Variants in PTPN5 observed in about 807,000 individuals in gnomAD.
The protein encoded by PTPN5 is protein tyrosine phosphatase non-receptor type 5, also known as tyrosine-protein phosphatase non-receptor type 5.
Under a neutral mutation model 73.9 loss-of-function variants are expected in PTPN5, and 29 were observed. That is an observed-to-expected ratio of 0.39 (90% CI 0.29 to 0.54). PTPN5 has a LOEUF of 0.54. PTPN5 is among the 20% of genes least tolerant of loss of function. The pLI, the probability that PTPN5 is intolerant of heterozygous loss-of-function variation, is 0.65. For synonymous variants in PTPN5, 267 were observed against 304.7 expected (o/e 0.88, Z 1.29); for missense variants, 652 against 751.4 (o/e 0.87, Z 1.55).
intron 1 of PTPN5, among the ~76,000 whole-genome samples, chr11:18,777,726 A>G (rs115253588): frequency 0.014 from 2,187 of 152,296 alleles, 46 homozygotes; most frequent in African/African-American, 0.05. Flanking sequence ...CAAGAGGATC[A>G]CTTGGGGCCA....
chr11:18,772,621 C>T (rs1019691995), intron 1 of PTPN5, among the ~76,000 whole-genome samples: 28 of 152,148 alleles, frequency 1.8e-4, no homozygotes, highest in African/African-American at 6.8e-4. Flanking sequence ...TGGCAGGGAC[C>T]CCAGGGAAGG....
At chr11:18,758,182 ATCAAG>A (rs1850237189) in intron 3 of PTPN5, among the ~76,000 whole-genome samples, 2 of 152,244 alleles carry the variant, frequency 1.3e-5, no homozygotes, top group Non-Finnish European at 2.9e-5. Flanking sequence ...CACTCCTCCT[ATCAAG>A]AGGTGGCATT....
At position 18,742,314 on chromosome 11, in the gene PTPN5, G is replaced by T; in HGVS notation, c.673C>A (p.Pro225Thr). ...PVFDCVMDIK[P>T]EADPTSLTVK... ...GTGAGTGAGGTGGGGTCAGCCTCAG[G>T]CTTGATGTCCATCACACAATCAAAC... The change falls in exon 7 of 15, where the codon CCT (proline) becomes ACT (threonine). Residue 225 changes from proline to threonine, a missense_variant. By Grantham distance (38) the Pro-to-Thr change is conservative. Coordinates refer to ENST00000358540, the MANE Select transcript of PTPN5 (RefSeq NM_006906.2). This position sits in a 1 kb window ranked among gnomAD's most constrained non-coding sequence, Gnocchi z 4.1. The T allele has an allele frequency of 6.2e-7, 1 of 1,614,126 alleles. No homozygotes were observed. The highest frequency in any genetic ancestry group is 8.5e-7 in the Non-Finnish European group (1 of 1,180,024).
At chr11:18,746,876 G>T (rs931649614) in intron 3 of PTPN5, among the ~76,000 whole-genome samples, 3 of 152,192 alleles carry the variant, frequency 2.0e-5, no homozygotes, top group Non-Finnish European at 4.4e-5. Flanking sequence ...GATTTCTCAA[G>T]GGGCAAGGTC....
chr11:18,729,672 G>C lies in PTPN5; in HGVS notation c.1476C>G (p.Ile492Met). The C allele has an allele frequency of 6.4e-7, 1 of 1,574,696 alleles. No individual in the cohort carries two copies. Among genetic ancestry groups the C allele is most frequent in the Non-Finnish European group, 8.6e-7 (1 of 1,160,202 alleles). The stretch of plus-strand genomic sequence containing the variant: ...GGAGGACCCACCTGCAGTGGACGAT[G>C]ATGGGGGCACAGTGGGGCCCCTCCT... ...AQQEGPHCAP[I>M]IVHCSAGIGR... is the part of the protein sequence containing the mutation. Residue 492 changes from isoleucine (I) to methionine (M), a missense_variant, in exon 13 of 15, where the codon ATC becomes ATG. Ile to Met is a conservative substitution (Grantham distance 10). This residue lies in a region of PTPN5 where 102 missense variants were observed against 160.5 expected (regional missense o/e 0.64). Transcript: ENST00000358540. This position sits in a 1 kb window ranked among gnomAD's most constrained non-coding sequence, Gnocchi z 5.2.
At chr11:18,732,456 A>T in intron 12 of PTPN5, 136 bp downstream of exon 12, 2 of 692,154 alleles carry the variant, frequency 2.9e-6, no homozygotes, top group Non-Finnish European at 5.1e-6. Context: ...ACTCATCCGT[A>T]ATTATCAGAA....
At chr11:18,772,609 C>A (rs370423840) in intron 1 of PTPN5, among the ~76,000 whole-genome samples, 2 of 152,160 alleles carry the variant, frequency 1.3e-5, no homozygotes, top group Middle Eastern at 3.2e-3. Context: ...TGGGTGCGGG[C>A]ATGGCAGGGA....
intron 4 of PTPN5, 76 bp from the exon 5 acceptor site, chr11:18,743,505 G>T: frequency 1.5e-6 from 2 of 1,323,006 alleles, no homozygotes; most frequent in Non-Finnish European, 2.2e-6. Flanking sequence ...CTCACCTGCA[G>T]CCTCAACCTG....
chr11:18,785,318 A>G (rs185317851), intron 1 of PTPN5, among the ~76,000 whole-genome samples: 8 of 152,318 alleles, frequency 5.3e-5, no homozygotes, highest in African/African-American at 1.9e-4. Context: ...ATTATTGACT[A>G]TGTGCAACAA....
intron 9 of PTPN5, among the ~76,000 whole-genome samples, chr11:18,735,469 G>A (rs1849072262): frequency 6.6e-6 from 1 of 152,096 alleles, no homozygotes; most frequent in South Asian, 2.1e-4. Context: ...AGTGGTGAGT[G>A]GTGAGGCTGG....
intron 1 of PTPN5, among the ~76,000 whole-genome samples, chr11:18,789,743 A>T (rs1851826863): frequency 6.6e-6 from 1 of 152,192 alleles, no homozygotes; most frequent in Non-Finnish European, 1.5e-5. Context: ...GAGCTAAGCT[A>T]TGAGGATGCA....
At chr11:18,735,591 G>A (rs1206682554) in intron 9 of PTPN5, among the ~76,000 whole-genome samples, 9 of 151,926 alleles carry the variant, frequency 5.9e-5, no homozygotes, top group Admixed American at 2.6e-4. Flanking sequence ...TGAGGTGGGC[G>A]GATCACTTGA....
chr11:18,778,681 G>A (rs757622264), intron 1 of PTPN5, among the ~76,000 whole-genome samples: 5 of 152,146 alleles, frequency 3.3e-5, no homozygotes, highest in Non-Finnish European at 7.4e-5. Context: ...GCTTCCTGAG[G>A]CCTTCCTAGA....
At chr11:18,773,876 C>T (rs1277671501) in intron 1 of PTPN5, among the ~76,000 whole-genome samples, 1 of 152,170 alleles carries the variant, frequency 6.6e-6, no homozygotes, top group Non-Finnish European at 1.5e-5. Context: ...GCCACCTGCT[C>T]CAGTCACTCT....
chr11:18,766,172 AC>A (rs1163460486), intron 2 of PTPN5, among the ~76,000 whole-genome samples: 3 of 152,312 alleles, frequency 2.0e-5, no homozygotes, highest in Admixed American at 2.0e-4. Context: ...GATTTACTAT[AC>A]GCAAGCACTT....
At chr11:18,747,200 G>A (rs1849682719) in intron 3 of PTPN5, among the ~76,000 whole-genome samples, 1 of 151,938 alleles carries the variant, frequency 6.6e-6, no homozygotes, top group Non-Finnish European at 1.5e-5. Flanking sequence ...ACCCAGGCTG[G>A]AGTGCAGTGG....
Position 18,732,711 on chromosome 11 carries a change from G to T in PTPN5, c.1219-9C>A. 6.2e-7 allele frequency: 1 copy of T among 1,608,872 alleles called. No homozygotes were observed. The highest frequency in any genetic ancestry group is 1.3e-5 in the African/African-American group (1 of 74,948). On this transcript the variant is annotated splice_polypyrimidine_tract_variant and intron_variant, in intron 11 of 14. Transcript: ENST00000358540. ...CAATACTCGGTGCATTTCTGCAGGGGCCCAGATCAGGCTGCCATACAATCC... is the reference window on the plus strand; with the variant it reads ...CAATACTCGGTGCATTTCTGCAGGGTCCCAGATCAGGCTGCCATACAATCC...
chr11:18,788,006 A>G (rs1013827771), intron 1 of PTPN5, among the ~76,000 whole-genome samples: 4 of 152,042 alleles, frequency 2.6e-5, no homozygotes, highest in Non-Finnish European at 4.4e-5. Flanking sequence ...CCCTACTCCT[A>G]AGCCTCCCAC....
At position 18,742,892 on chromosome 11, in the gene PTPN5, C is replaced by G. The variant is rs1410325694; in HGVS notation, c.483+100G>C. 2.4e-6 allele frequency: 2 copies of G among 839,878 alleles called. No individual in the cohort carries two copies. Among genetic ancestry groups the G allele is most frequent in the East Asian group, 2.7e-5 (1 of 37,732 alleles). The allele number at this position is 839,878 out of a possible 1,614,324, so 52.0% of individuals were successfully genotyped here. A position where few individuals can be genotyped will look rare whatever the true frequency, so the allele number is the denominator to read the frequency against. The stretch of plus-strand genomic sequence containing the variant: ...AGATAGGTATCCCTCCTTGCCCCAC[C>G]CAGAATGTCCAGCCTATAAGTCAGA... On this transcript the variant is annotated intron_variant, in intron 6 of 14. Transcript: ENST00000358540. This position sits in a 1 kb window ranked among gnomAD's most constrained non-coding sequence, Gnocchi z 4.1.
Sources: allele counts gnomAD v4.1 joint callset (sites outside exome capture counted in the v4.1 genomes callset), GRCh38; gene constraint gnomAD v4.1.1; regional missense constraint gnomAD v4.1.1; non-coding constraint Gnocchi (gnomAD v3.1); transcripts MANE v1.5; gene names NCBI Gene and HGNC (gene_info 2026-07-23, HGNC 2026-07-21).